ARK2N: variants seen among roughly 807,000 people sequenced by gnomAD.
The protein encoded by ARK2N is arkadia (RNF111) N-terminal like PKA signaling regulator 2N, also known as protein ARK2N.
chr18:46,236,719 A>G, the ARK2N span, among the ~76,000 whole-genome samples: 2 of 152,224 alleles, frequency 1.3e-5, no homozygotes, highest in African/African-American at 4.8e-5. Context: ...CTTTGTAGCA[A>G]TGCAGTTGTT....
chr18:46,207,388 C>CTTTTTTTTTTTTTTTTTTTTTTTTTTT, the ARK2N span, among the ~76,000 whole-genome samples: 5 of 115,918 alleles, frequency 4.3e-5, no homozygotes, highest in African/African-American at 1.3e-4. Context: ...AGTTTCTATA[C>CTTTTTTTTTTTTTTTTTTTTTTTTTTT]TTTTTTTTTT....
At chr18:46,230,933 C>T in the ARK2N span, among the ~76,000 whole-genome samples, 753 of 152,318 alleles carry the variant, frequency 4.9e-3, 10 homozygotes, top group African/African-American at 0.017. Context: ...CTACAGCCTG[C>T]TTTCTGCCTA....
the ARK2N span, among the ~76,000 whole-genome samples, chr18:46,177,716 C>T: frequency 4.0e-5 from 6 of 151,866 alleles, no homozygotes; most frequent in Non-Finnish European, 7.4e-5. Flanking sequence ...TGTGAGCCAC[C>T]GTGCCCGGCC....
At chr18:46,204,355 C>CT in the ARK2N span, among the ~76,000 whole-genome samples, 1 of 152,130 alleles carries the variant, frequency 6.6e-6, no homozygotes, top group Non-Finnish European at 1.5e-5. Flanking sequence ...GTTAGGCTTT[C>CT]TTTTTTCTTT....
the ARK2N span, among the ~76,000 whole-genome samples, chr18:46,258,965 A>C: frequency 6.6e-6 from 1 of 151,938 alleles, no homozygotes; most frequent in Non-Finnish European, 1.5e-5. Flanking sequence ...AATAGTTGAA[A>C]TATTTCTCTA....
chr18:46,216,042 A>G, the ARK2N span: 1 of 1,614,070 alleles, frequency 6.2e-7, no homozygotes, highest in Non-Finnish European at 8.5e-7. The surrounding 1 kb of genome is among the most constrained non-coding windows in gnomAD (Gnocchi z 4.3). Flanking sequence ...TTATTTCTTC[A>G]ATGCCCTGCT....
chr18:46,242,339 T>G, the ARK2N span, among the ~76,000 whole-genome samples: 1 of 152,336 alleles, frequency 6.6e-6, no homozygotes, highest in Admixed American at 6.5e-5. Flanking sequence ...TTTGACTTTT[T>G]GACCTACAAA....
the ARK2N span, chr18:46,263,446 A>G: frequency 5.0e-6 from 1 of 199,050 alleles, no homozygotes; most frequent in Admixed American, 5.3e-5. Flanking sequence ...ATTGCCAGGC[A>G]AAATGGGTTT....
At chr18:46,241,212 A>G in the ARK2N span, among the ~76,000 whole-genome samples, 12 of 152,204 alleles carry the variant, frequency 7.9e-5, no homozygotes, top group African/African-American at 2.7e-4. Context: ...CAGAAAAATC[A>G]CTTGTTTGTT....
the ARK2N span, among the ~76,000 whole-genome samples, chr18:46,207,003 T>G: frequency 6.6e-6 from 1 of 152,150 alleles, no homozygotes; most frequent in African/African-American, 2.4e-5. Context: ...CTTGAACTCT[T>G]GGATTCAAGC....
At chr18:46,197,360 T>A in the ARK2N span, among the ~76,000 whole-genome samples, 1 of 151,652 alleles carries the variant, frequency 6.6e-6, no homozygotes, top group Non-Finnish European at 1.5e-5. Flanking sequence ...TTAGCCTCCC[T>A]AGTAGCTGGG....
the ARK2N span, among the ~76,000 whole-genome samples, chr18:46,236,512 A>G: frequency 6.6e-6 from 1 of 152,226 alleles, no homozygotes; most frequent in Non-Finnish European, 1.5e-5. Context: ...TAAGTTCAAT[A>G]TTAGAAATTT....
At chr18:46,231,562 G>A in the ARK2N span, among the ~76,000 whole-genome samples, 5 of 125,888 alleles carry the variant, frequency 4.0e-5, no homozygotes, top group Non-Finnish European at 6.4e-5. Context: ...TTAAAGGTTT[G>A]GGGCTTTTTT....
chr18:46,180,938 C>A, the ARK2N span, among the ~76,000 whole-genome samples: 1 of 152,086 alleles, frequency 6.6e-6, no homozygotes, highest in East Asian at 1.9e-4. Context: ...TTCTTGGTAT[C>A]TCTAAGCTTT....
At chr18:46,213,596 T>G in the ARK2N span, among the ~76,000 whole-genome samples, 1 of 152,208 alleles carries the variant, frequency 6.6e-6, no homozygotes, top group South Asian at 2.1e-4. Flanking sequence ...GAAAAAATAT[T>G]TATGCTGATT....
At chr18:46,255,581 AG>A in the ARK2N span, among the ~76,000 whole-genome samples, 1 of 149,878 alleles carries the variant, frequency 6.7e-6, no homozygotes, top group Non-Finnish European at 1.5e-5. Context: ...GCCCCTGAGT[AG>A]CTGGGATTAC....
chr18:46,196,609 G>T, the ARK2N span, among the ~76,000 whole-genome samples: 8 of 152,232 alleles, frequency 5.3e-5, no homozygotes, highest in East Asian at 9.6e-4. Flanking sequence ...AATACCACTT[G>T]TATTTTTGTA....
chr18:46,255,505 G>C, the ARK2N span, among the ~76,000 whole-genome samples: 1 of 121,140 alleles, frequency 8.3e-6, no homozygotes, highest in African/African-American at 3.3e-5. Context: ...AGGCTGGAGT[G>C]CAATGGCACG....
chr18:46,253,082 C>G, the ARK2N span, among the ~76,000 whole-genome samples: 1 of 152,168 alleles, frequency 6.6e-6, no homozygotes, highest in Non-Finnish European at 1.5e-5. Context: ...TGTGATTTAC[C>G]TCCAGCCTTC....
Sources: gnomAD v4.1 joint callset for allele counts (sites outside exome capture counted in the v4.1 genomes callset) on GRCh38, gnomAD v4.1.1 for gene constraint, Gnocchi (gnomAD v3.1) non-coding constraint, MANE v1.5 for transcripts, NCBI Gene and HGNC (gene_info 2026-07-23, HGNC 2026-07-21) for gene names.